The following DNAL1 variants were observed in gnomAD, a reference collection of about 807,000 sequenced individuals.
DNAL1 encodes chromosome 14 open reading frame 168.
A neutral mutation model predicts 29.4 loss-of-function variants in DNAL1; 17 were observed. That is an observed-to-expected ratio of 0.58 (90% CI 0.40 to 0.87). DNAL1 has a LOEUF of 0.87. DNAL1 is among the 40% of genes least tolerant of loss of function. DNAL1 has a pLI of 0.00. For missense variants in DNAL1, 188 were observed against 214.1 expected (o/e 0.88, Z 0.76); for synonymous variants, 78 against 76.3 (o/e 1.02, Z -0.12).
chr14:73,689,290 C>A (rs116600997), intron 6 of DNAL1, 85 bp from the exon 7 acceptor site: 188 of 1,503,022 alleles, frequency 1.3e-4, no homozygotes, highest in Non-Finnish European at 1.6e-4. Context: ...CCTTGTCCCC[C>A]CAAAGTTCTG....
rs1384169381 is a variant in DNAL1 at position 73,696,630 on chromosome 14, CAGTT to C, written c.*692_*695del. 2 of 152,222 alleles carry C rather than the reference CAGTT, an allele frequency of 1.3e-5. No individual in the cohort carries two copies. Among genetic ancestry groups the C allele is most frequent in the South Asian group, 2.1e-4 (1 of 4,812 alleles). The allele number at this position is 152,222 out of a possible 1,614,324, so 9.4% of individuals were successfully genotyped here. On this transcript the variant is annotated 3_prime_UTR_variant, in exon 8 of 8. Transcript: ENST00000553645. ...ATTGTGTACAGTCATTCTGTGATCTCAGTTAGTGGTTAAAATGACTGTCATGATC... is the reference window on the plus strand; with the variant it reads ...ATTGTGTACAGTCATTCTGTGATCTCAGTGGTTAAAATGACTGTCATGATC...
intron 6 of DNAL1, 34 bp from the exon 7 acceptor site, chr14:73,689,341 T>C (rs1031430283): frequency 6.9e-5 from 107 of 1,549,440 alleles, no homozygotes; most frequent in Non-Finnish European, 8.6e-5. Flanking sequence ...CAAAACTTAG[T>C]GTTTTAATAT....
At chr14:73,652,617 A>G (rs1350491482) in intron 1 of DNAL1, among the ~76,000 whole-genome samples, 3 of 152,044 alleles carry the variant, frequency 2.0e-5, no homozygotes, top group East Asian at 1.9e-4. Flanking sequence ...TTTTTGCTCA[A>G]TCAGGCTTGC....
chr14:73,661,487 C>G (rs1301623301), intron 3 of DNAL1, among the ~76,000 whole-genome samples: 1 of 152,094 alleles, frequency 6.6e-6, no homozygotes, highest in Non-Finnish European at 1.5e-5. Context: ...GCTCACACCT[C>G]TAATCCCAGC....
chr14:73,687,952 C>T lies in DNAL1; in HGVS notation c.391+567C>T, dbSNP rs371867289. Among the ~76,000 whole-genome samples the T allele has an allele frequency of 4.0e-5, 6 of 151,348 alleles. No individual in the cohort carries two copies. The East Asian group carries it at 7.8e-4, about 20-fold the overall frequency. On this transcript the variant is annotated intron_variant, in intron 6 of 7. Coordinates refer to ENST00000553645, the MANE Select transcript of DNAL1 (RefSeq NM_031427.4). ...TGTATACATACGTAACAAACCTGCA[C>T]GTTGTACACATATGCCCTAAAACTT...
intron 7 of DNAL1, among the ~76,000 whole-genome samples, chr14:73,694,389 ATGAACT>A (rs1156352942): frequency 2.6e-5 from 4 of 152,202 alleles, no homozygotes; most frequent in African/African-American, 9.6e-5. Flanking sequence ...TTGGGAGACG[ATGAACT>A]GATCAGGTTA....
intron 5 of DNAL1, among the ~76,000 whole-genome samples, chr14:73,683,715 A>G (rs1335463155): frequency 7.2e-6 from 1 of 138,632 alleles, no homozygotes; most frequent in Non-Finnish European, 1.5e-5. Context: ...TATTATTATT[A>G]TTCTTTTGAG....
chr14:73,658,998 C>G (rs1891277723), intron 3 of DNAL1, 42 bp downstream of exon 3: 1 of 1,289,828 alleles, frequency 7.8e-7, no homozygotes, highest in African/African-American at 1.5e-5. Context: ...TGTTAGGTTT[C>G]CCTTTCTTTT....
intron 1 of DNAL1, among the ~76,000 whole-genome samples, chr14:73,652,280 T>C (rs1244465450): frequency 6.6e-6 from 1 of 152,062 alleles, no homozygotes; most frequent in Non-Finnish European, 1.5e-5. Flanking sequence ...TATACATTTT[T>C]TGAGACAGGG....
chr14:73,685,053 A>G (rs1156775443), intron 5 of DNAL1, among the ~76,000 whole-genome samples: 2 of 152,242 alleles, frequency 1.3e-5, no homozygotes, highest in South Asian at 2.1e-4. Context: ...ATAAATTTTA[A>G]TAGCTGAGAG....
chr14:73,682,906 C>T (rs1166627206), intron 5 of DNAL1, among the ~76,000 whole-genome samples: 2 of 126,734 alleles, frequency 1.6e-5, no homozygotes, highest in Non-Finnish European at 1.6e-5. Context: ...GTTGGAGTTT[C>T]GCTCTTGTTG....
chr14:73,689,343 T>G (rs1395325170), intron 6 of DNAL1, 32 bp from the exon 7 acceptor site: 1 of 1,550,580 alleles, frequency 6.4e-7, no homozygotes, highest in Admixed American at 2.0e-5. Context: ...AAACTTAGTG[T>G]TTTAATATGG....
In DNAL1 at chr14:73,683,096, G is replaced by A. The variant is rs568094415; in HGVS notation, c.265-4163G>A. ...TCTCCATGTTGGTCAGGCTGGTCTC[G>A]AACTCCCTACCTTAGGTGATCCGCC... On this transcript the variant is annotated intron_variant, in intron 5 of 7. Transcript: ENST00000553645. Among the ~76,000 whole-genome samples, 28 of 151,930 alleles carry A rather than the reference G, an allele frequency of 1.8e-4. No individual in the cohort carries two copies. In the South Asian group the frequency reaches 2.9e-3, roughly 16 times the overall value.
At chr14:73,672,986 C>T (rs1891651470) in intron 5 of DNAL1, 1 of 151,730 alleles carries the variant, frequency 6.6e-6, no homozygotes, top group South Asian at 2.1e-4. Flanking sequence ...TCTCGATCTC[C>T]TGACCTCATG....
rs398025673 is a variant in DNAL1, at chr14:73,700,358, GA to G, written c.*4427del. 123,915 of 150,622 alleles carry G rather than the reference GA, an allele frequency of 0.82. 51,554 individuals carry two copies. Among genetic ancestry groups the G allele is most frequent in the East Asian group, 0.95 (4,867 of 5,146 alleles). 9.3% of individuals were successfully genotyped at this position (150,622 alleles called of 1,614,324 possible). A position where few individuals can be genotyped will look rare whatever the true frequency, so the allele number is the denominator to read the frequency against. On this transcript the variant is annotated 3_prime_UTR_variant, in exon 8 of 8. Coordinates refer to ENST00000553645, the MANE Select transcript of DNAL1 (RefSeq NM_031427.4). Reference sequence around the variant, plus strand: ...ACAGAGTAAGTCTCCGTCTCAAAAAGAAAAAAAAAAATGTGGTTCTTTTGTG... The same window carrying G: ...ACAGAGTAAGTCTCCGTCTCAAAAAGAAAAAAAAAATGTGGTTCTTTTGTG...
chr14:73,688,567 G>A (rs971681550), intron 6 of DNAL1, among the ~76,000 whole-genome samples: 3 of 152,158 alleles, frequency 2.0e-5, no homozygotes, highest in African/African-American at 4.8e-5. Context: ...AGGTTGCAGC[G>A]AGTGGAGATG....
chr14:73,673,709 C>G (rs547623120), intron 5 of DNAL1, among the ~76,000 whole-genome samples: 10 of 151,860 alleles, frequency 6.6e-5, no homozygotes, highest in Non-Finnish European at 1.3e-4. Context: ...GGCAACATAG[C>G]AAGACTTCGT....
intron 5 of DNAL1, among the ~76,000 whole-genome samples, chr14:73,677,884 T>TGTG (rs1555402397): frequency 8.3e-5 from 8 of 96,128 alleles, no homozygotes; most frequent in African/African-American, 1.9e-4. Flanking sequence ...ATATATATAT[T>TGTG]TGTGTGTGTG....
intron 3 of DNAL1, among the ~76,000 whole-genome samples, chr14:73,660,993 C>T (rs1041282422): frequency 2.6e-5 from 4 of 152,056 alleles, no homozygotes; most frequent in African/African-American, 9.7e-5. Flanking sequence ...TGGGGGATGA[C>T]TAGAAAATAT....
Sources: gnomAD v4.1 joint callset for allele counts (sites outside exome capture counted in the v4.1 genomes callset) on GRCh38, gnomAD v4.1.1 for gene constraint, MANE v1.5 for transcripts, NCBI Gene and HGNC (gene_info 2026-07-23, HGNC 2026-07-21) for gene names.